VPS8: variants seen among roughly 807,000 people sequenced by gnomAD.
VPS8 encodes vacuolar protein sorting-associated protein 8 homolog.
VPS8 carries 129 observed loss-of-function variants against 216.4 expected under a neutral mutation model. The observed-to-expected ratio is 0.60, with a 90% CI of 0.52 to 0.69. The LOEUF (loss-of-function observed/expected upper bound fraction) is 0.69, where lower values mean the gene tolerates loss of function less well. VPS8 is among the 30% of genes least tolerant of loss of function. VPS8 has a pLI of 0.00. For missense variants in VPS8, 1,531 were observed against 1,683.5 expected, an observed-to-expected ratio of 0.91 and a Z score of 1.59; for synonymous variants, 571 against 565.4, an observed-to-expected ratio of 1.01 and a Z score of -0.14.
Position 184,859,966 on chromosome 3 carries a change from GTT to G in VPS8, c.1144-15_1144-14del. 1.2e-6 allele frequency: 2 copies of G among 1,601,644 alleles called. No homozygotes were observed. Among genetic ancestry groups the G allele is most frequent in the Non-Finnish European group, 1.7e-6 (2 of 1,171,616 alleles). On this transcript the variant is annotated splice_polypyrimidine_tract_variant and intron_variant, in intron 14 of 47. Coordinates refer to ENST00000625842, the MANE Select transcript of VPS8 (RefSeq NM_001009921.3). ...TCAAACAGTAGCTGGTTTTTAGGTT[GTT>G]TTTATTTCATCATCAGGTAAAGAGA...
intron 2 of VPS8, 50 bp from the exon 3 acceptor site, chr3:184,826,113 A>G (rs1484230760): frequency 2.9e-6 from 4 of 1,364,632 alleles, no homozygotes; most frequent in Non-Finnish European, 4.1e-6. Context: ...CCTCACAATT[A>G]TAAGCAGAAA....
intron 8 of VPS8, among the ~76,000 whole-genome samples, chr3:184,847,160 A>C (rs1349821864): frequency 1.3e-5 from 2 of 152,178 alleles, no homozygotes; most frequent in East Asian, 3.9e-4. Context: ...GGAAGGCTAA[A>C]ATCCAAAATG....
At chr3:184,885,448 G>C (rs992721535) in intron 21 of VPS8, among the ~76,000 whole-genome samples, 3 of 152,142 alleles carry the variant, frequency 2.0e-5, no homozygotes, top group African/African-American at 7.2e-5. Context: ...CTTGATACGT[G>C]TGTGTACATG....
chr3:185,005,753 C>T (rs1219195255), intron 45 of VPS8, among the ~76,000 whole-genome samples: 1 of 151,810 alleles, frequency 6.6e-6, no homozygotes, highest in Non-Finnish European at 1.5e-5. Flanking sequence ...AATTTTTTAT[C>T]CTAAATCTTT....
chr3:185,051,934 G>T lies in VPS8; in HGVS notation c.4196G>T (p.Ser1399Ile). 6.2e-7 allele frequency: 1 copy of T among 1,613,540 alleles called. No individual in the cohort carries two copies. Among genetic ancestry groups the T allele is most frequent in the Non-Finnish European group, 8.5e-7 (1 of 1,179,722 alleles). ...NRSSESYRPFSGSQSAPAFNS... is the reference protein window; with the variant it reads ...NRSSESYRPFIGSQSAPAFNS... Reference sequence around the variant, plus strand: ...AGCAGCGAGAGCTATAGGCCATTCAGTGGCTCGCAGAGTGCTCCTGCTTTC... The same window carrying T: ...AGCAGCGAGAGCTATAGGCCATTCATTGGCTCGCAGAGTGCTCCTGCTTTC... Residue 1399 changes from serine (S) to isoleucine (I), a missense_variant, in exon 48 of 48, where the codon AGT becomes ATT. By Grantham distance (142) the Ser-to-Ile change is moderately radical. Transcript: ENST00000625842.
At chr3:184,920,066 C>A in intron 28 of VPS8, 61 bp from the exon 29 acceptor site, 1 of 1,143,860 alleles carries the variant, frequency 8.7e-7, no homozygotes, top group Non-Finnish European at 1.2e-6. Context: ...AATTTAATAA[C>A]TTGTTTTCTT....
intron 21 of VPS8, among the ~76,000 whole-genome samples, chr3:184,875,056 CTTTTTT>C (rs5855044): frequency 2.0e-5 from 2 of 100,290 alleles, no homozygotes; most frequent in African/African-American, 4.1e-5. Context: ...GTTTTTAAAA[CTTTTTT>C]TTTTTTTTTT....
At chr3:184,987,531 A>G (rs183372004) in intron 42 of VPS8, among the ~76,000 whole-genome samples, 42 of 152,290 alleles carry the variant, frequency 2.8e-4, no homozygotes, top group Non-Finnish European at 4.7e-4. Context: ...ATATGCACTT[A>G]AAGTTCTTCC....
chr3:184,848,895 A>C (rs1463179545), intron 8 of VPS8, 176 bp from the exon 9 acceptor site: 6 of 599,138 alleles, frequency 1.0e-5, no homozygotes, highest in Non-Finnish European at 1.6e-5. Context: ...TTAAGTGTCT[A>C]ATTCAACGCC....
intron 4 of VPS8, among the ~76,000 whole-genome samples, chr3:184,833,419 G>A (rs1371978943): frequency 1.3e-5 from 2 of 152,030 alleles, no homozygotes; most frequent in East Asian, 3.9e-4. Flanking sequence ...CTTCTTCTTC[G>A]ATTTTGCCTG....
chr3:184,994,326 A>G (rs1229522461), intron 43 of VPS8, among the ~76,000 whole-genome samples: 1 of 151,698 alleles, frequency 6.6e-6, no homozygotes, highest in East Asian at 1.9e-4. Context: ...ACATAGCAAG[A>G]CTCTGTCTCT....
intron 22 of VPS8, among the ~76,000 whole-genome samples, chr3:184,891,148 T>C (rs997694543): frequency 1.1e-4 from 17 of 152,140 alleles, no homozygotes; most frequent in African/African-American, 4.1e-4. Flanking sequence ...GGGTGCTCTA[T>C]ATGGATGATA....
At chr3:185,047,839 C>T (rs1194987187) in intron 46 of VPS8, among the ~76,000 whole-genome samples, 1 of 152,118 alleles carries the variant, frequency 6.6e-6, no homozygotes, top group Non-Finnish European at 1.5e-5. Context: ...GACTCCAAAG[C>T]TTATGGCCGC....
At chr3:184,939,555 T>C (rs9820335) in intron 35 of VPS8, among the ~76,000 whole-genome samples, 16,437 of 43,704 alleles carry the variant, frequency 0.38, 2,986 homozygotes, top group African/African-American at 0.57. Flanking sequence ...TGCTGTCCTC[T>C]TTTTTTTTTT....
chr3:184,938,570 TGTGGTG>T (rs1382572696), intron 35 of VPS8, among the ~76,000 whole-genome samples: 1 of 152,104 alleles, frequency 6.6e-6, no homozygotes, highest in African/African-American at 2.4e-5. Flanking sequence ...AAATTTTGCC[TGTGGTG>T]GTGGCTGTGT....
At chr3:184,899,863 G>A (rs771111403) in intron 24 of VPS8, among the ~76,000 whole-genome samples, 3 of 152,122 alleles carry the variant, frequency 2.0e-5, no homozygotes, top group Non-Finnish European at 4.4e-5. Context: ...CATGGGTTTT[G>A]TATTCCTCAT....
At chr3:184,990,138 G>C (rs141163121) in intron 42 of VPS8, among the ~76,000 whole-genome samples, 191 of 152,258 alleles carry the variant, frequency 1.3e-3, no homozygotes, top group African/African-American at 4.4e-3. Context: ...TAGACAGTTT[G>C]TATAGTTTCT....
At position 184,957,283 on chromosome 3, in the gene VPS8, A is replaced by G. The variant is rs1745764570; in HGVS notation, c.3036-91A>G. The G allele has an allele frequency of 6.1e-6, 8 of 1,316,206 alleles. No homozygotes were observed. The East Asian group carries it at 1.8e-4, about 29-fold the overall frequency. 81.5% of individuals were successfully genotyped at this position (1,316,206 alleles called of 1,614,324 possible). A position where few individuals can be genotyped will look rare whatever the true frequency, so the allele number is the denominator to read the frequency against. On this transcript the variant is annotated intron_variant, in intron 36 of 47. Coordinates refer to ENST00000625842, the MANE Select transcript of VPS8 (RefSeq NM_001009921.3). ...TGACCAGCAGGTAGTCCTAGTTTTA[A>G]TGTAATGTGCTTTTTACTGGTAGCT...
chr3:184,911,512 AG>A (rs1409730023), intron 25 of VPS8, among the ~76,000 whole-genome samples: 2 of 152,336 alleles, frequency 1.3e-5, no homozygotes, highest in African/African-American at 4.8e-5. Context: ...TTTTCCACAG[AG>A]GGTTTTGAGA....
Sources: gnomAD v4.1 joint callset for allele counts (sites outside exome capture counted in the v4.1 genomes callset) on GRCh38, gnomAD v4.1.1 for gene constraint, MANE v1.5 for transcripts, NCBI Gene and HGNC (gene_info 2026-07-23, HGNC 2026-07-21) for gene names.